Variants in SMC1A observed in about 807,000 individuals in gnomAD.
SMC1A encodes the protein structural maintenance of chromosomes protein 1A.
A neutral mutation model predicts 94.5 loss-of-function variants in SMC1A; 4 were observed. The ratio of observed to expected loss-of-function variants is 0.04; its 90% CI spans 0.02 to 0.10. The LOEUF (loss-of-function observed/expected upper bound fraction) is 0.10, where lower values mean the gene tolerates loss of function less well. Among genes scored for constraint, SMC1A ranks in the 10% least tolerant of loss-of-function variants. The probability of loss-of-function intolerance (pLI) is 1.00; values close to 1 mark genes in which losing one functional copy is unlikely to be tolerated. For missense variants in SMC1A, 304 were observed against 989.0 expected (o/e 0.31, Z 9.29); for synonymous variants, 345 against 347.7 (o/e 0.99, Z 0.09).
rs2075636109 is a variant in SMC1A at position 53,393,135 on chromosome X, A to G, written c.2973+1643T>C. 2.7e-5 allele frequency among the ~76,000 whole-genome samples: 3 copies of G among 111,864 alleles called. No homozygotes were observed. In the Admixed American group the frequency reaches 2.9e-4, roughly 11 times the overall value. Reference sequence around the variant, plus strand: ...AGTTCACAAGTACACAACATCACCTATGATATATTCTTGCCAAAAAAAGAA... The same window carrying G: ...AGTTCACAAGTACACAACATCACCTGTGATATATTCTTGCCAAAAAAAGAA... On this transcript the variant is annotated intron_variant, in intron 19 of 24. Transcript: ENST00000322213.
In SMC1A at chrX:53,413,154, A is replaced by G. The variant is rs1556890791; in HGVS notation, c.616-16T>C. 2 of 1,211,555 alleles carry G rather than the reference A, an allele frequency of 1.7e-6. No individual in the cohort carries two copies. The highest frequency in any genetic ancestry group is 5.9e-5 in the East Asian group (2 of 33,839). On this transcript the variant is annotated splice_polypyrimidine_tract_variant and intron_variant, in intron 4 of 24. Transcript: ENST00000322213. ...ACCGGTCAGCCTGTGCAAACAGGGG[A>G]ATGGTGGCAGGGGTGCATCGATAAG...
intron 1 of SMC1A, among the ~76,000 whole-genome samples, chrX:53,417,481 G>A (rs1190074814): frequency 9.5e-6 from 1 of 105,060 alleles, no homozygotes; most frequent in African/African-American, 3.5e-5. Context: ...AACCTGGGAG[G>A]CAAAGGTTGC....
intron 9 of SMC1A, among the ~76,000 whole-genome samples, chrX:53,407,872 A>T (rs1269598146): frequency 3.6e-5 from 4 of 111,596 alleles, no homozygotes; most frequent in African/African-American, 1.3e-4. Flanking sequence ...CATGCTATCA[A>T]GGAAAAGCCT....
intron 1 of SMC1A, chrX:53,422,117 CAAGT>C: frequency 1.8e-6 from 2 of 1,084,108 alleles, no homozygotes; most frequent in Non-Finnish European, 2.5e-6. Context: ...CGGAGGGGGT[CAAGT>C]AAGGCTGGGA....
chrX:53,412,604 A>G (rs1180574977), intron 5 of SMC1A, among the ~76,000 whole-genome samples: 1 of 111,948 alleles, frequency 8.9e-6, no homozygotes, highest in Admixed American at 9.5e-5. Context: ...TCTTCTAGGA[A>G]GGCCTTCTCA....
At position 53,381,984 on chromosome X, in the gene SMC1A, A is replaced by C. The variant is rs1452831870; in HGVS notation, c.3437+248T>G. The C allele has an allele frequency of 6.9e-6, 3 of 433,377 alleles. No individual in the cohort carries two copies. The African/African-American group carries it at 7.4e-5, about 11-fold the overall frequency. 35.7% of individuals were successfully genotyped at this position (433,377 alleles called of 1,213,427 possible). A position where few individuals can be genotyped will look rare whatever the true frequency, so the allele number is the denominator to read the frequency against. ...TTATTAGCCAGCAACCTCGTGAGCA[A>C]AAGCCTGGAGGCGGAACTAAATACA... is the stretch of plus-strand genomic sequence containing the variant. On this transcript the variant is annotated intron_variant, in intron 22 of 24. Transcript: ENST00000322213.
At chrX:53,401,294 C>G (rs946216273) in intron 15 of SMC1A, among the ~76,000 whole-genome samples, 11 of 111,877 alleles carry the variant, frequency 9.8e-5, no homozygotes, top group Non-Finnish European at 1.9e-4. Flanking sequence ...GGGCAAGACC[C>G]TTCCCTTGTC....
intron 7 of SMC1A, 44 bp from the exon 8 acceptor site, chrX:53,409,547 G>A (rs782800888): frequency 3.8e-6 from 4 of 1,059,132 alleles, no homozygotes; most frequent in South Asian, 1.9e-5. Flanking sequence ...ACGAGTTTAC[G>A]CCAAGACCAT....
chrX:53,399,457 A>T, intron 16 of SMC1A, 132 bp downstream of exon 16: 1 of 599,144 alleles, frequency 1.7e-6, no homozygotes, highest in Admixed American at 2.9e-5. Flanking sequence ...TTTCCCGTTT[A>T]GGTCTTGGTA....
chrX:53,403,698 T>A lies in SMC1A; in HGVS notation c.2314-26A>T, dbSNP rs782568922. 4 of 1,187,763 alleles carry A rather than the reference T, an allele frequency of 3.4e-6. No homozygotes were observed. The Admixed American group carries it at 6.7e-5, about 20-fold the overall frequency. ...CTGAGAAGAGAAGCCAGGGAGGGCA[T>A]CGGCCCTTTTAGTCTGTCCTGCTTC... On this transcript the variant is annotated intron_variant, in intron 14 of 24. Transcript: ENST00000322213.
chrX:53,414,716 C>A, intron 3 of SMC1A, 42 bp downstream of exon 3: 1 of 877,512 alleles, frequency 1.1e-6, no homozygotes, highest in Non-Finnish European at 1.7e-6. Flanking sequence ...GGGACATGGT[C>A]TGGCAAAAAC....
rs189263537 is a variant in SMC1A, at chrX:53,386,120, T to C, written c.2974-2867A>G. ...CCAAAAAATACTTAACATGAATCCA[T>C]TGAGCCTCCAGACTGGATGAAATTT... On this transcript the variant is annotated intron_variant, in intron 19 of 24. Coordinates refer to ENST00000322213, the MANE Select transcript of SMC1A (RefSeq NM_006306.4). Among the ~76,000 whole-genome samples the C allele has an allele frequency of 1.7e-4, 19 of 111,295 alleles. No individual in the cohort carries two copies. The East Asian group carries it at 3.6e-3, about 21-fold the overall frequency.
chrX:53,421,202 T>C (rs1374792628), intron 1 of SMC1A, among the ~76,000 whole-genome samples: 1 of 111,561 alleles, frequency 9.0e-6, no homozygotes, highest in African/African-American at 3.3e-5. Context: ...CTCAAACAAG[T>C]TGGGGGGTTG....
intron 18 of SMC1A, 139 bp downstream of exon 18, chrX:53,396,088 C>G (rs2075649989): frequency 8.1e-6 from 6 of 743,576 alleles, no homozygotes; most frequent in Non-Finnish European, 2.1e-6. Flanking sequence ...TGCCTCATTT[C>G]TGCTGCATCC....
At position 53,403,600 on chromosome X, in the gene SMC1A, T is replaced by C; in HGVS notation, c.2386A>G (p.Lys796Glu). 8.3e-7 allele frequency: 1 copy of C among 1,207,634 alleles called. No individual in the cohort carries two copies. Residue 796 changes from lysine (K) to glutamate (E), a missense_variant, in exon 15 of 25, where the codon AAG becomes GAG. Transcript: ENST00000322213. ...VRNIREFEEE[K>E]VKRQNEIAKK... is the part of the protein sequence containing the mutation. Reference sequence around the variant, plus strand: ...GCGATTTCATTCTGCCGTTTCACCTTTTCTTCCTCAAACTCCCGGATGTTG... The same window carrying C: ...GCGATTTCATTCTGCCGTTTCACCTCTTCTTCCTCAAACTCCCGGATGTTG...
chrX:53,396,054 T>C (rs1252607579), intron 18 of SMC1A, among the ~76,000 whole-genome samples, 173 bp downstream of exon 18: 17 of 111,224 alleles, frequency 1.5e-4, no homozygotes, highest in African/African-American at 5.6e-4. Flanking sequence ...ACCTTTCGCC[T>C]CACCTGCCTT....
chrX:53,397,379 G>A (rs1001271237), intron 16 of SMC1A, among the ~76,000 whole-genome samples: 6 of 111,361 alleles, frequency 5.4e-5, no homozygotes, highest in African/African-American at 1.6e-4. Flanking sequence ...CCAGGAGTTC[G>A]AGACCAGCCT....
chrX:53,377,859 T>G lies in SMC1A; in HGVS notation c.*2244A>C, dbSNP rs782421219. On this transcript the variant is annotated 3_prime_UTR_variant, in exon 25 of 25. Transcript: ENST00000322213. Reference sequence around the variant, plus strand: ...TTGCACAAGTTTCTACAGCTAGAATTTGAACCAGGTCTGACCCCCGAATTG... The same window carrying G: ...TTGCACAAGTTTCTACAGCTAGAATGTGAACCAGGTCTGACCCCCGAATTG... The G allele has an allele frequency of 8.9e-6, 1 of 112,372 alleles. No individual in the cohort carries two copies. Among genetic ancestry groups the G allele is most frequent in the South Asian group, 3.7e-4 (1 of 2,686 alleles). The allele number at this position is 112,372 out of a possible 1,213,427, so 9.3% of individuals were successfully genotyped here. A position where few individuals can be genotyped will look rare whatever the true frequency, so the allele number is the denominator to read the frequency against.
intron 15 of SMC1A, 121 bp downstream of exon 15, chrX:53,403,445 C>A: frequency 1.7e-6 from 1 of 574,575 alleles, no homozygotes; most frequent in Non-Finnish European, 3.0e-6. Flanking sequence ...TAAGGCCTAG[C>A]TACATAAACT....
Sources: allele counts gnomAD v4.1 joint callset (sites outside exome capture counted in the v4.1 genomes callset), GRCh38; gene constraint gnomAD v4.1.1; transcripts MANE v1.5; gene names NCBI Gene and HGNC (gene_info 2026-07-23, HGNC 2026-07-21).